Variants in TCF4 observed in about 807,000 individuals in gnomAD.
The protein encoded by TCF4 is transcription factor 4.
Under a neutral mutation model 82.1 loss-of-function variants are expected in TCF4, and 3 were observed. The observed-to-expected ratio is 0.04, with a 90% CI of 0.02 to 0.09. The LOEUF (loss-of-function observed/expected upper bound fraction) is 0.09. TCF4 is among the 10% of genes least tolerant of loss of function. The pLI is 1.00. For synonymous variants in TCF4, 276 were observed against 309.6 expected (o/e 0.89, Z 1.14); for missense variants, 518 against 852.7 (o/e 0.61, Z 4.89).
intron 8 of TCF4, among the ~76,000 whole-genome samples, chr18:55,296,357 C>A (rs1470831969): frequency 1.3e-5 from 2 of 152,144 alleles, no homozygotes; most frequent in Non-Finnish European, 2.9e-5. Context: ...GCAGAGGAAT[C>A]CCAGGATTTA....
chr18:55,300,122 A>C (rs1000718709), intron 8 of TCF4, among the ~76,000 whole-genome samples: 1 of 151,246 alleles, frequency 6.6e-6, no homozygotes, highest in African/African-American at 2.5e-5. Flanking sequence ...ACACACACAC[A>C]CACCCCACAT....
In TCF4 at chr18:55,496,286, T is replaced by C. The variant is rs1479131168; in HGVS notation, c.146-32149A>G. 4 of 152,146 alleles carry C rather than the reference T, an allele frequency of 2.6e-5. No homozygotes were observed. The East Asian group carries it at 7.7e-4, about 29-fold the overall frequency. 9.4% of individuals were successfully genotyped at this position (152,146 alleles called of 1,614,324 possible). ...AAGTACAGCGTGTTACAATAAATTA[T>C]GAAGCTTATCTAAATTATAAAAGTA... On this transcript the variant is annotated intron_variant, in intron 3 of 19. Coordinates refer to ENST00000354452, the MANE Select transcript of TCF4 (RefSeq NM_001083962.2).
intron 14 of TCF4, 38 bp downstream of exon 14, chr18:55,257,277 G>C: frequency 6.3e-7 from 1 of 1,596,466 alleles, no homozygotes; most frequent in Non-Finnish European, 8.6e-7. Context: ...AACATGACCT[G>C]AAAATGGGTG....
chr18:55,588,768 G>A, upstream of TCF4: 1 of 1,179,174 alleles, frequency 8.5e-7, no homozygotes, highest in Non-Finnish European at 1.1e-6. Flanking sequence ...TTTTGCGTTG[G>A]GGGCGAAATC....
chr18:55,323,844 CCTAA>C (rs2076120418), intron 8 of TCF4, among the ~76,000 whole-genome samples: 1 of 152,124 alleles, frequency 6.6e-6, no homozygotes, highest in African/African-American at 2.4e-5. Flanking sequence ...TTTTCTAGAT[CCTAA>C]CTTTCCATGG....
chr18:55,447,916 G>A (rs1051911566), intron 5 of TCF4, among the ~76,000 whole-genome samples: 4 of 146,802 alleles, frequency 2.7e-5, no homozygotes, highest in East Asian at 2.1e-4. Context: ...CCCTTCCAAC[G>A]TAGCCACTAG....
intron 5 of TCF4, among the ~76,000 whole-genome samples, chr18:55,450,882 A>G (rs557652407): frequency 6.6e-6 from 1 of 152,306 alleles, no homozygotes; most frequent in South Asian, 2.1e-4. Context: ...TAGTCTCACC[A>G]CTCAAACACC....
At chr18:55,477,777 A>C (rs1180475669) in intron 3 of TCF4, among the ~76,000 whole-genome samples, 1 of 152,216 alleles carries the variant, frequency 6.6e-6, no homozygotes. Context: ...GCCTTACTTT[A>C]CTAGTCCAGC....
chr18:55,392,240 C>T (rs548145091), intron 6 of TCF4, among the ~76,000 whole-genome samples: 2 of 151,788 alleles, frequency 1.3e-5, no homozygotes, highest in Admixed American at 6.6e-5. Flanking sequence ...GCTGGGATTA[C>T]AGGCATGAGC....
chr18:55,417,099 A>C (rs1309722482), intron 5 of TCF4, among the ~76,000 whole-genome samples: 3 of 152,232 alleles, frequency 2.0e-5, no homozygotes, highest in Non-Finnish European at 1.5e-5. Flanking sequence ...AATGCATCAC[A>C]ATTAAGGAGT....
chr18:55,429,274 TCTC>T (rs1200306409), intron 5 of TCF4, among the ~76,000 whole-genome samples: 1 of 152,144 alleles, frequency 6.6e-6, no homozygotes, highest in Non-Finnish European at 1.5e-5. Flanking sequence ...CATGGAGTCT[TCTC>T]CTCTATTCTC....
chr18:55,274,496 G>C (rs983774223), intron 10 of TCF4, among the ~76,000 whole-genome samples: 1 of 152,068 alleles, frequency 6.6e-6, no homozygotes, highest in African/African-American at 2.4e-5. Context: ...TTTGATTATT[G>C]GAGTAGGAGA....
At chr18:55,503,037 T>G (rs975809616) in intron 3 of TCF4, among the ~76,000 whole-genome samples, 1 of 152,002 alleles carries the variant, frequency 6.6e-6, no homozygotes, top group Non-Finnish European at 1.5e-5. Flanking sequence ...TACTTTTGAT[T>G]TATCCTTATT....
chr18:55,547,638 C>T (rs1158713331), intron 3 of TCF4, among the ~76,000 whole-genome samples: 2 of 152,148 alleles, frequency 1.3e-5, no homozygotes, highest in Non-Finnish European at 2.9e-5. Context: ...TCTATATTTA[C>T]ATTGTAAGAC....
chr18:55,449,718 T>G (rs1216433039), intron 5 of TCF4, among the ~76,000 whole-genome samples: 1 of 152,240 alleles, frequency 6.6e-6, no homozygotes, highest in Non-Finnish European at 1.5e-5. Context: ...AATCTTACTT[T>G]GTGATCTATC....
chr18:55,541,444 ACT>A (rs991954651), intron 3 of TCF4, among the ~76,000 whole-genome samples: 14 of 151,912 alleles, frequency 9.2e-5, no homozygotes, highest in East Asian at 3.8e-4. Flanking sequence ...TGAACTGAAA[ACT>A]CTCAACATCA....
At chr18:55,635,861 G>A (rs1039557052) in exon 1 of TCF4, 2 of 1,567,096 alleles carry the variant, frequency 1.3e-6, no homozygotes, top group Non-Finnish European at 1.7e-6. Flanking sequence ...AAGAGGAGAG[G>A]CACCTGTGGT....
intron 6 of TCF4, among the ~76,000 whole-genome samples, chr18:55,381,132 T>C (rs370337227): frequency 6.6e-6 from 1 of 152,202 alleles, no homozygotes; most frequent in Non-Finnish European, 1.5e-5. Flanking sequence ...AAGTAAAGAA[T>C]AGCACGAAAT....
chr18:55,458,933 T>G (rs1054572663), intron 5 of TCF4, among the ~76,000 whole-genome samples: 11 of 152,114 alleles, frequency 7.2e-5, no homozygotes, highest in African/African-American at 2.7e-4. Context: ...GATAAACCAT[T>G]TAGCCCAAGC....
Sources: gnomAD v4.1 joint callset for allele counts (sites outside exome capture counted in the v4.1 genomes callset) on GRCh38, gnomAD v4.1.1 for gene constraint, MANE v1.5 for transcripts, NCBI Gene and HGNC (gene_info 2026-07-23, HGNC 2026-07-21) for gene names.